The following EDA variants were observed in gnomAD, a reference collection of about 807,000 sequenced individuals.
The protein encoded by EDA is ectodysplasin A.
EDA carries 2 observed loss-of-function variants against 23.6 expected under a neutral mutation model. That is an observed-to-expected ratio of 0.08 (90% confidence interval 0.03 to 0.27). The LOEUF (loss-of-function observed/expected upper bound fraction) is 0.27. Ranked by LOEUF, EDA falls within the 10% of genes least tolerant of loss-of-function variation. EDA has a pLI of 1.00. For synonymous variants in EDA, 131 were observed against 132.0 expected, an observed-to-expected ratio of 0.99 and a Z score of 0.05; for missense variants, 229 against 324.2, an observed-to-expected ratio of 0.71 and a Z score of 2.26.
chrX:69,662,426 C>CA (rs1373791656), intron 1 of EDA, among the ~76,000 whole-genome samples: 83 of 112,006 alleles, frequency 7.4e-4, no homozygotes, highest in African/African-American at 2.5e-3. Context: ...TTGCCTGCTG[C>CA]AATGTAAGAT....
intron 2 of EDA, among the ~76,000 whole-genome samples, chrX:70,012,840 C>A (rs2019895534): frequency 9.0e-6 from 1 of 111,610 alleles, no homozygotes; most frequent in South Asian, 3.8e-4. Context: ...CCCAGCCACC[C>A]CACCGCTACC....
chrX:69,620,126 A>G (rs968150358), intron 1 of EDA, among the ~76,000 whole-genome samples: 2 of 112,250 alleles, frequency 1.8e-5, no homozygotes, highest in Non-Finnish European at 3.8e-5. Context: ...TATGATTAAT[A>G]TATTGGTGTA....
At position 69,677,433 on chromosome X, in the gene EDA, G is replaced by A. The variant is rs1375120575; in HGVS notation, c.396+60729G>A. Reference sequence around the variant, plus strand: ...ACTTCCACAATGGTTGAACTAGTTTGCAGTCCCACCAACAGTGTAAAAGTG... The same window carrying A: ...ACTTCCACAATGGTTGAACTAGTTTACAGTCCCACCAACAGTGTAAAAGTG... On this transcript the variant is annotated intron_variant, in intron 1 of 7. Coordinates refer to ENST00000374552, the MANE Select transcript of EDA (RefSeq NM_001399.5). 3.2e-4 allele frequency among the ~76,000 whole-genome samples: 36 copies of A among 111,265 alleles called. 1 individual carries two copies. Among genetic ancestry groups the A allele is most frequent in the South Asian group, 1.2e-3 (3 of 2,584 alleles).
chrX:69,713,506 T>C (rs2012178997), intron 1 of EDA, among the ~76,000 whole-genome samples: 1 of 111,717 alleles, frequency 9.0e-6, no homozygotes, highest in Admixed American at 9.5e-5. Flanking sequence ...ACACACCCGC[T>C]GCCTCCTTGT....
At chrX:69,757,375 T>A (rs754285525) in intron 1 of EDA, among the ~76,000 whole-genome samples, 4 of 112,176 alleles carry the variant, frequency 3.6e-5, no homozygotes, top group African/African-American at 1.3e-4. Context: ...TTAACATTTG[T>A]TTAGCCAACT....
At chrX:69,919,092 A>G (rs1294895588) in intron 1 of EDA, among the ~76,000 whole-genome samples, 4 of 111,975 alleles carry the variant, frequency 3.6e-5, no homozygotes, top group African/African-American at 9.7e-5. Context: ...TTAACTGAAA[A>G]GATATAGATT....
intron 6 of EDA, among the ~76,000 whole-genome samples, chrX:70,032,276 A>G (rs1313859839): frequency 9.3e-6 from 1 of 107,853 alleles, no homozygotes; most frequent in Admixed American, 9.9e-5. Context: ...AAAAAAAAAA[A>G]AAGAAGAAGA....
intron 1 of EDA, among the ~76,000 whole-genome samples, chrX:69,627,209 G>A (rs1276207072): frequency 9.0e-6 from 1 of 111,527 alleles, no homozygotes; most frequent in African/African-American, 3.3e-5. Flanking sequence ...ACTTGCACTA[G>A]AGTGGGCAGT....
intron 1 of EDA, among the ~76,000 whole-genome samples, chrX:69,864,710 G>T (rs1252084398): frequency 8.9e-6 from 1 of 112,103 alleles, no homozygotes; most frequent in African/African-American, 3.2e-5. Flanking sequence ...CAAAAACATG[G>T]CCAGGCACAG....
At chrX:69,971,482 A>G (rs191901616) in intron 2 of EDA, among the ~76,000 whole-genome samples, 1 of 112,082 alleles carries the variant, frequency 8.9e-6, no homozygotes, top group African/African-American at 3.2e-5. Context: ...ATAGCAACAA[A>G]GTAAGTAATC....
At chrX:69,930,748 G>A (rs751306054) in intron 1 of EDA, among the ~76,000 whole-genome samples, 1 of 111,294 alleles carries the variant, frequency 9.0e-6, no homozygotes, top group African/African-American at 3.2e-5. Flanking sequence ...ATACACAGAC[G>A]ACATGATTAT....
At chrX:69,675,887 C>T (rs1471010461) in intron 1 of EDA, among the ~76,000 whole-genome samples, 2 of 111,328 alleles carry the variant, frequency 1.8e-5, no homozygotes, top group Non-Finnish European at 3.8e-5. Context: ...GGGAAGCTAA[C>T]TGAGAAGGTG....
At chrX:69,699,051 C>T (rs999700450) in intron 1 of EDA, among the ~76,000 whole-genome samples, 7 of 110,932 alleles carry the variant, frequency 6.3e-5, no homozygotes, top group Non-Finnish European at 9.4e-5. Flanking sequence ...TGCCTGGCCC[C>T]GGGCTTGGTG....
At chrX:69,792,732 T>C (rs771256642) in intron 1 of EDA, among the ~76,000 whole-genome samples, 134 of 112,122 alleles carry the variant, frequency 1.2e-3, no homozygotes, top group African/African-American at 4.1e-3. Context: ...TGATATTGAG[T>C]ATTTCTTTCA....
intron 1 of EDA, among the ~76,000 whole-genome samples, chrX:69,903,876 T>C (rs1027618090): frequency 2.7e-5 from 3 of 110,866 alleles, no homozygotes; most frequent in African/African-American, 9.8e-5. Context: ...AGTGGCGTGA[T>C]CTCAGGTCAC....
chrX:69,958,920 G>A (rs1056296505), intron 2 of EDA, among the ~76,000 whole-genome samples: 3 of 111,299 alleles, frequency 2.7e-5, no homozygotes, highest in African/African-American at 9.8e-5. Flanking sequence ...GGTGGTAAGA[G>A]CAATATCACC....
intron 1 of EDA, among the ~76,000 whole-genome samples, chrX:69,799,071 G>A (rs772132350): frequency 9.0e-6 from 1 of 111,284 alleles, no homozygotes; most frequent in African/African-American, 3.3e-5. Context: ...TTCAACAAGT[G>A]TGCCAAGAAT....
intron 1 of EDA, among the ~76,000 whole-genome samples, chrX:69,906,371 T>G (rs1428413598): frequency 8.9e-6 from 1 of 112,421 alleles, no homozygotes; most frequent in African/African-American, 3.2e-5. Flanking sequence ...AAATCATAAA[T>G]AGTAAGAGGA....
intron 1 of EDA, among the ~76,000 whole-genome samples, chrX:69,898,016 T>A (rs181853568): frequency 8.9e-6 from 1 of 112,121 alleles, no homozygotes; most frequent in East Asian, 2.8e-4. Context: ...TGGACATGAA[T>A]GTGTGGGTGA....
Sources: gnomAD v4.1 joint callset for allele counts (sites outside exome capture counted in the v4.1 genomes callset) on GRCh38, gnomAD v4.1.1 for gene constraint, MANE v1.5 for transcripts, NCBI Gene and HGNC (gene_info 2026-07-23, HGNC 2026-07-21) for gene names.